Variants in ATP23 observed in about 807,000 individuals in gnomAD.
ATP23 encodes mitochondrial inner membrane protease ATP23 homolog.
Under a neutral mutation model 28.5 loss-of-function variants are expected in ATP23, and 24 were observed. That is an observed-to-expected ratio of 0.84 (90% confidence interval 0.61 to 1.18). The LOEUF (loss-of-function observed/expected upper bound fraction) is 1.18, where lower values mean the gene tolerates loss of function less well. ATP23 is among the 50% of genes most tolerant of loss of function. ATP23 has a pLI of 0.00. For synonymous variants in ATP23, 99 were observed against 108.6 expected (o/e 0.91, Z 0.55); for missense variants, 274 against 306.4 (o/e 0.89, Z 0.79).
chr12:57,947,991 A>G (rs1304278023), intron 3 of ATP23, among the ~76,000 whole-genome samples: 3 of 152,222 alleles, frequency 2.0e-5, no homozygotes, highest in Non-Finnish European at 2.9e-5. Context: ...TGAAGTGGCA[A>G]TATAGAACAA....
intron 1 of ATP23, among the ~76,000 whole-genome samples, chr12:57,944,645 A>G (rs1257637452): frequency 6.6e-6 from 1 of 152,230 alleles, no homozygotes; most frequent in Admixed American, 6.5e-5. Flanking sequence ...TTGTTGGAGA[A>G]AAATCCTTTC....
chr12:57,951,827 C>A lies in ATP23; in HGVS notation c.385C>A (p.His129Asn), dbSNP rs868035204. 3.7e-6 allele frequency: 6 copies of A among 1,614,032 alleles called. No homozygotes were observed. In the African/African-American group the frequency reaches 8.0e-5, roughly 22 times the overall value. The change falls in exon 4 of 6, where the codon CAT (histidine) becomes AAT (asparagine). Residue 129 changes from histidine to asparagine, a missense_variant. Physicochemically the swap from His to Asn is moderately conservative, Grantham distance 68 (BLOSUM62 1). Coordinates refer to ENST00000300145, the MANE Select transcript of ATP23 (RefSeq NM_033276.4). ...MNRVVTHELIHAFDHCRAHVD... is the reference protein window; with the variant it reads ...MNRVVTHELINAFDHCRAHVD... ...CAGAGTGGTCACACACGAGCTTATTCATGCATTTGATCATTGTCGTGCCCA... is the reference window on the plus strand; with the variant it reads ...CAGAGTGGTCACACACGAGCTTATTAATGCATTTGATCATTGTCGTGCCCA...
Position 57,941,634 on chromosome 12 carries a change from G to A in ATP23, c.-68G>A. 6.4e-7 allele frequency: 1 copy of A among 1,552,276 alleles called. No homozygotes were observed. The highest frequency in any genetic ancestry group is 2.3e-5 in the East Asian group (1 of 43,294). Reference sequence around the variant, plus strand: ...GGGCGGTCGCGTTGGCGGGAGGGAGGTTACCTTTCCCAGTCTCGCTCTGGC... The same window carrying A: ...GGGCGGTCGCGTTGGCGGGAGGGAGATTACCTTTCCCAGTCTCGCTCTGGC... On this transcript the variant is annotated 5_prime_UTR_variant, in exon 1 of 6. Transcript: ENST00000300145.
intron 3 of ATP23, among the ~76,000 whole-genome samples, chr12:57,948,608 T>G (rs543816220): frequency 2.0e-5 from 3 of 152,236 alleles, no homozygotes; most frequent in African/African-American, 7.2e-5. Context: ...AAATTTTTAT[T>G]ATGAAGTATC....
rs1465955573 is a variant in ATP23 at position 57,958,868 on chromosome 12, T to A, written c.*1978T>A. On this transcript the variant is annotated 3_prime_UTR_variant, in exon 6 of 6. Coordinates refer to ENST00000300145, the MANE Select transcript of ATP23 (RefSeq NM_033276.4). ...AAAAATCACACTAGTTCACCAGCAA[T>A]GGATTCAAACCAAGAAGAAATCCCT... 1.3e-5 allele frequency among the ~76,000 whole-genome samples: 2 copies of A among 152,078 alleles called. No homozygotes were observed. The highest frequency in any genetic ancestry group is 2.1e-4 in the South Asian group (1 of 4,818).
At chr12:57,943,852 T>C (rs1447809281) in intron 1 of ATP23, among the ~76,000 whole-genome samples, 1 of 152,150 alleles carries the variant, frequency 6.6e-6, no homozygotes, top group Non-Finnish European at 1.5e-5. Context: ...TAGGAATCAA[T>C]GGACCTTGAT....
At position 57,956,763 on chromosome 12, in the gene ATP23, T is replaced by TTGA; in HGVS notation, c.618_620dup (p.Asp206dup). The TTGA allele has an allele frequency of 6.2e-7, 1 of 1,614,054 alleles. No homozygotes were observed. Among genetic ancestry groups the TTGA allele is most frequent in the Non-Finnish European group, 8.5e-7 (1 of 1,179,970 alleles). On this transcript the variant is annotated inframe_insertion, in exon 6 of 6. Coordinates refer to ENST00000300145, the MANE Select transcript of ATP23 (RefSeq NM_033276.4). ...AGCAAAGAAGTAGCTAAAAAGGCTG[T>TTGA]TGATGAAGTTTTTGAATCTTGTTTC...
chr12:57,941,777 C>T lies in ATP23; in HGVS notation c.76C>T (p.Gln26Ter), dbSNP rs1956705507. The T allele has an allele frequency of 1.2e-6, 2 of 1,603,664 alleles. No homozygotes were observed. The highest frequency in any genetic ancestry group is 1.1e-5 in the South Asian group (1 of 89,426). Residue 26 changes from glutamine to a stop codon, truncating the protein, a stop_gained, in exon 1 of 6, where the codon CAG becomes TAG. Transcript: ENST00000300145. LOFTEE classifies it high-confidence loss of function. ...GCTGCAGCAGCAACACGTCTCTTGCCAGGTCTTCCCCGAGCGTCTGGCCCA... is the reference window on the plus strand; with the variant it reads ...GCTGCAGCAGCAACACGTCTCTTGCTAGGTCTTCCCCGAGCGTCTGGCCCA... ...EQLQQQHVSC[Q>*]VFPERLAQGN... is the part of the protein sequence containing the mutation.
Position 57,956,974 on chromosome 12 carries a change from T to C in ATP23, c.*84T>C. ...TTCTCAAGTGAACAAACATATAAAA[T>C]GTAAACAATCCCTACAATCCAGATA... On this transcript the variant is annotated 3_prime_UTR_variant, in exon 6 of 6. Transcript: ENST00000300145. The C allele has an allele frequency of 8.8e-7, 1 of 1,130,078 alleles. No individual in the cohort carries two copies. The highest frequency in any genetic ancestry group is 1.2e-6 in the Non-Finnish European group (1 of 812,630). The allele number at this position is 1,130,078 out of a possible 1,614,324, so 70.0% of individuals were successfully genotyped here.
At chr12:57,948,826 T>C (rs994646020) in intron 3 of ATP23, among the ~76,000 whole-genome samples, 6 of 152,234 alleles carry the variant, frequency 3.9e-5, no homozygotes, top group African/African-American at 1.4e-4. Context: ...CTTTACCATC[T>C]ACATATACAA....
rs1262762645 is a variant in ATP23 at position 57,958,584 on chromosome 12, C to T, written c.*1694C>T. 6.6e-6 allele frequency among the ~76,000 whole-genome samples: 1 copy of T among 152,286 alleles called. No individual in the cohort carries two copies. Among genetic ancestry groups the T allele is most frequent in the Non-Finnish European group, 1.5e-5 (1 of 68,022 alleles). ...GATTCTGTGCAGGCAACCCCCAGTACCAGCATGGAGCTGGGTAGACTCACT... is the reference window on the plus strand; with the variant it reads ...GATTCTGTGCAGGCAACCCCCAGTATCAGCATGGAGCTGGGTAGACTCACT... On this transcript the variant is annotated 3_prime_UTR_variant, in exon 6 of 6. Coordinates refer to ENST00000300145, the MANE Select transcript of ATP23 (RefSeq NM_033276.4).
intron 3 of ATP23, among the ~76,000 whole-genome samples, 196 bp from the exon 4 acceptor site, chr12:57,951,562 G>A (rs74095757): frequency 1.9e-3 from 292 of 152,274 alleles, no homozygotes; most frequent in African/African-American, 6.8e-3. Context: ...GTCACTGGGC[G>A]AGGCAATTGG....
intron 3 of ATP23, among the ~76,000 whole-genome samples, chr12:57,948,760 C>A (rs1270691813): frequency 6.6e-6 from 1 of 152,110 alleles, no homozygotes; most frequent in Non-Finnish European, 1.5e-5. Context: ...GAATCAGGTC[C>A]TTTTCCCTTC....
chr12:57,951,583 CT>C (rs1397879403), intron 3 of ATP23, among the ~76,000 whole-genome samples, 174 bp from the exon 4 acceptor site: 1 of 152,162 alleles, frequency 6.6e-6, no homozygotes, highest in African/African-American at 2.4e-5. Context: ...AGCATGTACA[CT>C]TAGGACTAGG....
chr12:57,941,571 C>T lies in ATP23; in HGVS notation c.-131C>T, dbSNP rs1000500735. 68 of 1,287,794 alleles carry T rather than the reference C, an allele frequency of 5.3e-5. No individual in the cohort carries two copies. The Admixed American group carries it at 1.9e-3, about 35-fold the overall frequency. The allele number at this position is 1,287,794 out of a possible 1,614,324, so 79.8% of individuals were successfully genotyped here. The stretch of plus-strand genomic sequence containing the variant: ...CCCCTCCCGCCTAACGTCTTCAGCC[C>T]AGCCAGGCTGCCCTTCTTCCCTGCG... On this transcript the variant is annotated 5_prime_UTR_variant, in exon 1 of 6. Transcript: ENST00000300145.
chr12:57,943,672 C>A (rs1183170145), intron 1 of ATP23, among the ~76,000 whole-genome samples: 1 of 147,566 alleles, frequency 6.8e-6, no homozygotes, highest in African/African-American at 2.6e-5. Flanking sequence ...CAGAGCGAGA[C>A]CCTGTCTAAA....
chr12:57,955,279 T>TG (rs1167864092), intron 5 of ATP23, among the ~76,000 whole-genome samples: 1 of 123,960 alleles, frequency 8.1e-6, no homozygotes, highest in Non-Finnish European at 1.7e-5. Flanking sequence ...AAATAGAGCA[T>TG]GTTTTTTTTT....
Position 57,957,696 on chromosome 12 carries a change from G to A in ATP23, c.*806G>A, listed in dbSNP as rs117595745. On this transcript the variant is annotated 3_prime_UTR_variant, in exon 6 of 6. Coordinates refer to ENST00000300145, the MANE Select transcript of ATP23 (RefSeq NM_033276.4). ...GCTGAGTTAATTTAGAGAGCCGAGC[G>A]AAATACAGGGGTAGAGCAAGCAGCA... Among the ~76,000 whole-genome samples the A allele has an allele frequency of 3.4e-3, 524 of 152,276 alleles. 3 individuals are homozygous for A. The highest frequency in any genetic ancestry group is 6.4e-3 in the Non-Finnish European group (434 of 68,028).
chr12:57,953,532 A>T lies in ATP23; in HGVS notation c.454-74A>T, dbSNP rs529949010. On this transcript the variant is annotated intron_variant, in intron 4 of 5. Coordinates refer to ENST00000300145, the MANE Select transcript of ATP23 (RefSeq NM_033276.4). Reference sequence around the variant, plus strand: ...AATTTTATATTCTTTTCTAATTTTTAAAAATTGGTTGATATCATAAAGATA... The same window carrying T: ...AATTTTATATTCTTTTCTAATTTTTTAAAATTGGTTGATATCATAAAGATA... 66 of 1,230,216 alleles carry T rather than the reference A, an allele frequency of 5.4e-5. No homozygotes were observed. The African/African-American group carries it at 8.5e-4, about 16-fold the overall frequency. The allele number at this position is 1,230,216 out of a possible 1,614,324, so 76.2% of individuals were successfully genotyped here. A position where few individuals can be genotyped will look rare whatever the true frequency, so the allele number is the denominator to read the frequency against.
Sources: gnomAD v4.1 joint callset for allele counts (sites outside exome capture counted in the v4.1 genomes callset) on GRCh38, gnomAD v4.1.1 for gene constraint, MANE v1.5 for transcripts, NCBI Gene and HGNC (gene_info 2026-07-23, HGNC 2026-07-21) for gene names.